Variants in RPH3AL observed in about 807,000 individuals in gnomAD.
RPH3AL encodes rab effector Noc2.
RPH3AL carries 38 observed loss-of-function variants against 43.1 expected under a neutral mutation model. The ratio of observed to expected loss-of-function variants is 0.88; its 90% CI spans 0.68 to 1.15. The LOEUF (loss-of-function observed/expected upper bound fraction) is 1.15, where lower values mean the gene tolerates loss of function less well. Among genes scored for constraint, RPH3AL ranks in the 50% most tolerant of loss-of-function variants. RPH3AL has a pLI of 0.00. For synonymous variants in RPH3AL, 189 were observed against 176.3 expected (o/e 1.07, Z -0.57); for missense variants, 462 against 423.2 (o/e 1.09, Z -0.81).
chr17:240,915 C>G (rs545131463), intron 7 of RPH3AL, among the ~76,000 whole-genome samples: 7 of 151,700 alleles, frequency 4.6e-5, no homozygotes, highest in African/African-American at 1.5e-4. Flanking sequence ...AAAATGAGCT[C>G]GGCGTGTAGC....
At chr17:325,847 A>G (rs2044606609) in intron 3 of RPH3AL, among the ~76,000 whole-genome samples, 1 of 152,154 alleles carries the variant, frequency 6.6e-6, no homozygotes, top group South Asian at 2.1e-4. Context: ...TGAGGGTCCC[A>G]CGGGACACAG....
chr17:274,080 T>C lies in RPH3AL; in HGVS notation c.438+7688A>G, dbSNP rs1324863263. Among the ~76,000 whole-genome samples the C allele has an allele frequency of 6.6e-6, 1 of 152,220 alleles. No homozygotes were observed. The highest frequency in any genetic ancestry group is 1.5e-5 in the Non-Finnish European group (1 of 68,036). On this transcript the variant is annotated intron_variant, in intron 6 of 9. Coordinates refer to ENST00000331302, the MANE Select transcript of RPH3AL (RefSeq NM_006987.4). This position sits in a 1 kb window ranked among gnomAD's most constrained non-coding sequence, Gnocchi z 4.7. ...TCACTTTGAGTGAGTCATTCTTCGT[T>C]TTCGTTTAGTGGATAGGGATTCGAG...
intron 1 of RPH3AL, 153 bp from the exon 2 acceptor site, chr17:334,087 C>A (rs893487240): frequency 3.3e-5 from 5 of 152,690 alleles, no homozygotes; most frequent in Admixed American, 3.3e-4. Flanking sequence ...CCCTGAGTGA[C>A]CAGTGGCTGG....
At chr17:259,229 C>T (rs782423430) in intron 6 of RPH3AL, among the ~76,000 whole-genome samples, 11 of 152,188 alleles carry the variant, frequency 7.2e-5, no homozygotes, top group Non-Finnish European at 1.5e-4. Context: ...TAAGTCCCAG[C>T]ATCAGGGGAC....
intron 5 of RPH3AL, among the ~76,000 whole-genome samples, chr17:292,106 G>C (rs2043060170): frequency 6.6e-6 from 1 of 152,196 alleles, no homozygotes; most frequent in African/African-American, 2.4e-5. Flanking sequence ...GCAGGAGACA[G>C]CCACAGTGGC....
intron 1 of RPH3AL, among the ~76,000 whole-genome samples, chr17:350,575 C>T (rs888891658): frequency 2.6e-5 from 4 of 152,166 alleles, no homozygotes; most frequent in Non-Finnish European, 5.9e-5. Context: ...CGCACCAGTG[C>T]ACTCTAGCTG....
intron 5 of RPH3AL, among the ~76,000 whole-genome samples, chr17:318,865 G>A (rs1377869516): frequency 6.6e-6 from 1 of 152,216 alleles, no homozygotes; most frequent in Non-Finnish European, 1.5e-5. Flanking sequence ...CAATGGAACA[G>A]AAAGTGTAAT....
At chr17:273,016 A>ATCAGGAAGAGACCCCAGCGAGGGTGACG (rs1567604605) in intron 6 of RPH3AL, among the ~76,000 whole-genome samples, 8 of 38,204 alleles carry the variant, frequency 2.1e-4, no homozygotes, top group African/African-American at 5.5e-4. Flanking sequence ...CGAGGGCGAC[A>ATCAGGAAGAGACCCCAGCGAGGGTGACG]TCAGGAAGAG....
At chr17:273,063 G>GAGGGCGACGTCAGGGAGAGACCCCAGCA (rs2042542553) in intron 6 of RPH3AL, among the ~76,000 whole-genome samples, 1 of 132,806 alleles carries the variant, frequency 7.5e-6, no homozygotes, top group African/African-American at 2.9e-5. Context: ...AGACCCCAGC[G>GAGGGCGACGTCAGGGAGAGACCCCAGCA]AGGGCGACGT....
At chr17:279,645 T>C (rs2042732564) in intron 6 of RPH3AL, among the ~76,000 whole-genome samples, 1 of 152,180 alleles carries the variant, frequency 6.6e-6, no homozygotes, top group Non-Finnish European at 1.5e-5. Context: ...TTCCATTCAC[T>C]TTCTTTTCCT....
chr17:271,679 AG>A (rs2042466531), intron 6 of RPH3AL, among the ~76,000 whole-genome samples: 1 of 152,208 alleles, frequency 6.6e-6, no homozygotes, highest in Admixed American at 6.5e-5. Context: ...CTGAGACAAC[AG>A]GGTTTTCTAG....
chr17:269,199 G>A (rs966094339), intron 6 of RPH3AL, among the ~76,000 whole-genome samples: 2 of 151,372 alleles, frequency 1.3e-5, no homozygotes, highest in Admixed American at 6.6e-5. Flanking sequence ...TTTTAGAGAC[G>A]AGGGATCGCC....
intron 5 of RPH3AL, among the ~76,000 whole-genome samples, chr17:316,339 G>A (rs1354824686): frequency 3.7e-5 from 5 of 134,076 alleles, no homozygotes; most frequent in Admixed American, 1.5e-4. Flanking sequence ...CACCTCCACT[G>A]ACCTGTAGTC....
intron 2 of RPH3AL, chr17:332,662 G>A (rs996466826): frequency 8.8e-6 from 2 of 227,936 alleles, no homozygotes; most frequent in Admixed American, 9.8e-5. Flanking sequence ...CAGGCTCTGC[G>A]ACTTGCTGAC....
chr17:315,440 G>GAAT, intron 5 of RPH3AL, among the ~76,000 whole-genome samples: 1 of 28,192 alleles, frequency 3.5e-5, no homozygotes. Flanking sequence ...TAGTCCCTGT[G>GAAT]CCTCACCTCC....
intron 5 of RPH3AL, among the ~76,000 whole-genome samples, chr17:294,021 C>T (rs895701432): frequency 1.3e-5 from 2 of 152,050 alleles, no homozygotes; most frequent in Non-Finnish European, 2.9e-5. Context: ...GAGCAAGACT[C>T]GGTCTCAAAA....
intron 7 of RPH3AL, among the ~76,000 whole-genome samples, chr17:235,272 C>CT (rs1567570742): frequency 8.5e-6 from 1 of 117,080 alleles, no homozygotes; most frequent in African/African-American, 3.4e-5. Flanking sequence ...CTGGGGTCGG[C>CT]CGAGGCTCTA....
rs2044842291 is a variant in RPH3AL, at chr17:333,162, G to C, written c.-37+597C>G. The C allele has an allele frequency of 8.5e-7, 1 of 1,179,300 alleles. No individual in the cohort carries two copies. The highest frequency in any genetic ancestry group is 1.1e-6 in the Non-Finnish European group (1 of 935,948). The allele number at this position is 1,179,300 out of a possible 1,614,324, so 73.1% of individuals were successfully genotyped here. A position where few individuals can be genotyped will look rare whatever the true frequency, so the allele number is the denominator to read the frequency against. ...CGGCCATTAGAGCTCACCACCCCGG[G>C]CGTTCGTCACTGCAGACATCACTGC... On this transcript the variant is annotated intron_variant, in intron 2 of 9. Coordinates refer to ENST00000331302, the MANE Select transcript of RPH3AL (RefSeq NM_006987.4). The surrounding 1 kb of genome is among the most constrained non-coding windows in gnomAD (Gnocchi z 4.5).
At chr17:219,474 G>A in intron 8 of RPH3AL, 149 bp downstream of exon 8, 1 of 559,228 alleles carries the variant, frequency 1.8e-6, no homozygotes, top group South Asian at 2.1e-5. Flanking sequence ...TGGGATTACA[G>A]ACATAAGCCA....
Sources: allele counts gnomAD v4.1 joint callset (sites outside exome capture counted in the v4.1 genomes callset), GRCh38; gene constraint gnomAD v4.1.1; non-coding constraint Gnocchi (gnomAD v3.1); transcripts MANE v1.5; gene names NCBI Gene and HGNC (gene_info 2026-07-23, HGNC 2026-07-21).